Variants in SARNP observed in about 807,000 individuals in gnomAD.
SARNP encodes SAP domain-containing ribonucleoprotein.
SARNP carries 5 observed loss-of-function variants against 38.1 expected under a neutral mutation model. That is an observed-to-expected ratio of 0.13 (90% CI 0.07 to 0.28). The LOEUF is 0.28. Among genes scored for constraint, SARNP ranks in the 10% least tolerant of loss-of-function variants. SARNP has a pLI of 1.00. For synonymous variants in SARNP, 84 were observed against 80.6 expected (o/e 1.04, Z -0.23); for missense variants, 180 against 243.9 (o/e 0.74, Z 1.75).
intron 4 of SARNP, among the ~76,000 whole-genome samples, chr12:55,798,845 A>G (rs1879894350): frequency 6.6e-6 from 1 of 152,232 alleles, no homozygotes; most frequent in South Asian, 2.1e-4. Context: ...TTCCCATAAT[A>G]AGCTAAACAA....
intron 9 of SARNP, among the ~76,000 whole-genome samples, chr12:55,771,637 G>A (rs1425765942): frequency 6.6e-6 from 1 of 152,158 alleles, no homozygotes; most frequent in East Asian, 1.9e-4. Context: ...TTTCCCTAGA[G>A]TGATGGAAGA....
rs61956410 is a variant in SARNP, at chr12:55,803,606, C to T, written c.136+23G>A. ...CCTGAAAATCCCCTCACTCACATCACTCCGCCTCCACAAAGTACTCACCAT... is the reference window on the plus strand; with the variant it reads ...CCTGAAAATCCCCTCACTCACATCATTCCGCCTCCACAAAGTACTCACCAT... On this transcript the variant is annotated intron_variant, in intron 2 of 10. Transcript: ENST00000336133. 5 of 1,463,906 alleles carry T rather than the reference C, an allele frequency of 3.4e-6. No homozygotes were observed. The African/African-American group carries it at 4.2e-5, about 12-fold the overall frequency. 90.7% of individuals were successfully genotyped at this position (1,463,906 alleles called of 1,614,324 possible). A position where few individuals can be genotyped will look rare whatever the true frequency, so the allele number is the denominator to read the frequency against.
At chr12:55,786,068 C>G (rs1277001679) in intron 9 of SARNP, among the ~76,000 whole-genome samples, 1 of 152,080 alleles carries the variant, frequency 6.6e-6, no homozygotes, top group Non-Finnish European at 1.5e-5. Context: ...TTTTACTCAG[C>G]CTTCTGTGGA....
chr12:55,814,810 A>G lies in SARNP; in HGVS notation c.36+2856T>C, dbSNP rs1362308423. On this transcript the variant is annotated intron_variant, in intron 1 of 10. Coordinates refer to ENST00000336133, the MANE Select transcript of SARNP (RefSeq NM_033082.4). ...CTTGAACCTGGAAGGCGGAGGTTGC[A>G]GCGAGCCGAGATCTTGCCACTGCAC... Among the ~76,000 whole-genome samples the G allele has an allele frequency of 3.3e-5, 5 of 151,956 alleles. 1 individual carries two copies. The highest frequency in any genetic ancestry group is 1.2e-4 in the African/African-American group (5 of 41,438).
At chr12:55,760,021 A>C (rs1878627096) in intron 10 of SARNP, among the ~76,000 whole-genome samples, 1 of 152,186 alleles carries the variant, frequency 6.6e-6, no homozygotes, top group African/African-American at 2.4e-5. Context: ...TACAGGCATG[A>C]GCCACCACAC....
At chr12:55,778,199 T>G (rs1472430195) in intron 9 of SARNP, among the ~76,000 whole-genome samples, 1 of 152,014 alleles carries the variant, frequency 6.6e-6, no homozygotes, top group Non-Finnish European at 1.5e-5. Flanking sequence ...CAGGCTGGAG[T>G]GCAGTGGCAT....
At chr12:55,768,869 G>A (rs982528295) in intron 9 of SARNP, among the ~76,000 whole-genome samples, 3 of 152,014 alleles carry the variant, frequency 2.0e-5, no homozygotes, top group Admixed American at 6.6e-5. Flanking sequence ...GATTACAGGT[G>A]TAAGCCCTAT....
intron 3 of SARNP, 73 bp from the exon 4 acceptor site, chr12:55,800,702 A>C: frequency 2.2e-6 from 3 of 1,365,994 alleles, no homozygotes; most frequent in Non-Finnish European, 3.1e-6. Flanking sequence ...GAACATCAGA[A>C]CTCCAAAATA....
chr12:55,808,760 CA>C (rs1880233503), intron 1 of SARNP, among the ~76,000 whole-genome samples: 1 of 151,890 alleles, frequency 6.6e-6, no homozygotes, highest in South Asian at 2.1e-4. Flanking sequence ...TACCTGGCCT[CA>C]AAAGAATGAA....
At chr12:55,812,528 CTT>C (rs1171406695) in intron 1 of SARNP, among the ~76,000 whole-genome samples, 3 of 152,182 alleles carry the variant, frequency 2.0e-5, no homozygotes, top group Non-Finnish European at 4.4e-5. Flanking sequence ...GCTTTCAGCT[CTT>C]GAGTGAAAGA....
At chr12:55,799,304 G>T (rs1399010899) in intron 4 of SARNP, among the ~76,000 whole-genome samples, 1 of 152,158 alleles carries the variant, frequency 6.6e-6, no homozygotes, top group Non-Finnish European at 1.5e-5. Flanking sequence ...TCAAAGTTTA[G>T]GACTCAACGG....
At chr12:55,763,309 T>C (rs1878730928) in intron 9 of SARNP, among the ~76,000 whole-genome samples, 1 of 85,684 alleles carries the variant, frequency 1.2e-5, no homozygotes, top group Admixed American at 1.2e-4. Flanking sequence ...CATTTACTAC[T>C]TTTTTTTTTT....
chr12:55,782,837 G>T (rs917195927), intron 9 of SARNP, among the ~76,000 whole-genome samples: 7 of 152,162 alleles, frequency 4.6e-5, no homozygotes, highest in Non-Finnish European at 1.0e-4. Flanking sequence ...GTTTCCAGCC[G>T]CAATGGCTCA....
intron 1 of SARNP, among the ~76,000 whole-genome samples, chr12:55,813,020 C>CA: frequency 3.9e-5 from 6 of 151,950 alleles, no homozygotes; most frequent in African/African-American, 1.5e-4. Flanking sequence ...GATCTCGGCT[C>CA]CTGCAACCTC....
At chr12:55,803,201 T>C (rs1028728177) in intron 2 of SARNP, among the ~76,000 whole-genome samples, 6 of 152,056 alleles carry the variant, frequency 3.9e-5, no homozygotes, top group Non-Finnish European at 7.4e-5. Flanking sequence ...TTGTACAAGA[T>C]GGCTGGGCGC....
At chr12:55,767,877 T>TAC (rs900157714) in intron 9 of SARNP, among the ~76,000 whole-genome samples, 15 of 127,472 alleles carry the variant, frequency 1.2e-4, no homozygotes, top group Non-Finnish European at 2.0e-4. Context: ...AAAAAGGATA[T>TAC]ACACACACAC....
At chr12:55,769,427 A>G (rs1878941521) in intron 9 of SARNP, among the ~76,000 whole-genome samples, 1 of 152,234 alleles carries the variant, frequency 6.6e-6, no homozygotes, top group Admixed American at 6.5e-5. Context: ...TGTTCTTTAC[A>G]TAACTACATT....
intron 1 of SARNP, among the ~76,000 whole-genome samples, chr12:55,814,852 G>C (rs749859586): frequency 3.4e-4 from 51 of 150,016 alleles, no homozygotes; most frequent in Middle Eastern, 3.4e-3. Context: ...CTGGGCGACA[G>C]AGCGAGACTC....
At chr12:55,774,575 C>CAAAAA (rs1187594580) in intron 9 of SARNP, among the ~76,000 whole-genome samples, 4 of 41,200 alleles carry the variant, frequency 9.7e-5, no homozygotes, top group African/African-American at 5.0e-4. Flanking sequence ...AAAAAAAAAA[C>CAAAAA]AAACAAAAAA....
Sources: allele counts gnomAD v4.1 joint callset (sites outside exome capture counted in the v4.1 genomes callset), GRCh38; gene constraint gnomAD v4.1.1; transcripts MANE v1.5; gene names NCBI Gene and HGNC (gene_info 2026-07-23, HGNC 2026-07-21).